Variants in FUT8 observed in about 807,000 individuals in gnomAD.
FUT8 encodes fucosyltransferase 8.
In FUT8, 29 loss-of-function variants were observed where a neutral mutation model predicts 71.3. The ratio of observed to expected loss-of-function variants is 0.41; its 90% CI spans 0.30 to 0.55. FUT8 has a LOEUF of 0.55. Ranked by LOEUF, FUT8 falls within the 20% of genes least tolerant of loss-of-function variation. The probability of loss-of-function intolerance (pLI) is 0.34; values close to 1 mark genes in which losing one functional copy is unlikely to be tolerated. For synonymous variants in FUT8, 254 were observed against 239.3 expected (o/e 1.06, Z -0.57); for missense variants, 544 against 702.1 (o/e 0.77, Z 2.55).
At chr14:65,699,641 G>A (rs1348956696) in intron 7 of FUT8, among the ~76,000 whole-genome samples, 2 of 152,146 alleles carry the variant, frequency 1.3e-5, no homozygotes, top group Admixed American at 6.5e-5. Context: ...AAATGGGTAA[G>A]AATTGCAGAT....
intron 2 of FUT8, among the ~76,000 whole-genome samples, chr14:65,551,820 T>G (rs915162521): frequency 2.0e-5 from 3 of 152,190 alleles, no homozygotes; most frequent in African/African-American, 7.2e-5. Flanking sequence ...GACAACACAG[T>G]TATCGTAATC....
chr14:65,518,965 C>A (rs998647206), intron 2 of FUT8, among the ~76,000 whole-genome samples: 2 of 152,070 alleles, frequency 1.3e-5, no homozygotes, highest in Non-Finnish European at 2.9e-5. Context: ...ACAAGGATGG[C>A]CATCTATTCA....
chr14:65,734,982 T>TTGCCAGA (rs941011962), intron 10 of FUT8, among the ~76,000 whole-genome samples: 3 of 152,166 alleles, frequency 2.0e-5, no homozygotes, highest in Admixed American at 6.5e-5. Flanking sequence ...TCTCCAGACA[T>TTGCCAGA]TGCCAGATGC....
chr14:65,717,469 C>T (rs1403383874), intron 7 of FUT8, among the ~76,000 whole-genome samples: 1 of 143,750 alleles, frequency 7.0e-6, no homozygotes, highest in Non-Finnish European at 1.5e-5. Context: ...AGAGGCGCTC[C>T]TCACTTCCTA....
At chr14:65,558,044 C>G (rs1885690444) in intron 2 of FUT8, among the ~76,000 whole-genome samples, 2 of 151,890 alleles carry the variant, frequency 1.3e-5, no homozygotes, top group African/African-American at 4.8e-5. Flanking sequence ...CCATAAGACT[C>G]TCTTGGCTGG....
chr14:65,552,240 T>C (rs1289017569), intron 2 of FUT8, among the ~76,000 whole-genome samples: 1 of 152,164 alleles, frequency 6.6e-6, no homozygotes, highest in African/African-American at 2.4e-5. Flanking sequence ...TTTTCTTTTT[T>C]GGTTGTTTGT....
At chr14:65,582,132 T>C (rs905599354) in intron 3 of FUT8, among the ~76,000 whole-genome samples, 19 of 152,184 alleles carry the variant, frequency 1.2e-4, no homozygotes, top group African/African-American at 4.1e-4. Context: ...AAGTGTCACA[T>C]GATGAGTTGA....
rs58811272 is a variant in FUT8, at chr14:65,690,629, A to ATCTC, written c.835+21166_835+21169dup. ...AGACTTTAACTTCTGTCATCCCTTT[A>ATCTC]TCTCTCTCTCTCTCTCTCTCATTCT... On this transcript the variant is annotated intron_variant, in intron 7 of 10. Transcript: ENST00000673929. Among the ~76,000 whole-genome samples the ATCTC allele has an allele frequency of 1.6e-3, 227 of 144,860 alleles. 1 individual carries two copies. Among genetic ancestry groups the ATCTC allele is most frequent in the African/African-American group, 4.9e-3 (193 of 39,502 alleles).
At chr14:65,428,414 AGAGGCCTGAGG>A (rs2065420756) in intron 1 of FUT8, among the ~76,000 whole-genome samples, 2 of 152,178 alleles carry the variant, frequency 1.3e-5, no homozygotes, top group South Asian at 4.2e-4. Flanking sequence ...TTACTATTAA[AGAGGCCTGAGG>A]GAGCTTGAAC....
chr14:65,737,113 C>G (rs1379248779), intron 10 of FUT8, among the ~76,000 whole-genome samples: 1 of 152,072 alleles, frequency 6.6e-6, no homozygotes, highest in Admixed American at 6.6e-5. Context: ...AATTTTTAGA[C>G]CTATCTCCCT....
intron 2 of FUT8, among the ~76,000 whole-genome samples, chr14:65,557,492 T>C (rs992307931): frequency 1.3e-5 from 2 of 151,916 alleles, no homozygotes; most frequent in Admixed American, 6.6e-5. Context: ...CCACCATGCC[T>C]GGCTCATTTT....
At chr14:65,668,957 T>C (rs1466843305) in intron 6 of FUT8, among the ~76,000 whole-genome samples, 2 of 152,080 alleles carry the variant, frequency 1.3e-5, no homozygotes, top group South Asian at 2.1e-4. Context: ...CATGTTCTTA[T>C]TAAAAGTGGG....
At chr14:65,394,216 C>A in the FUT8 span, among the ~76,000 whole-genome samples, 16 of 152,328 alleles carry the variant, frequency 1.1e-4, no homozygotes, top group African/African-American at 3.6e-4. Context: ...ACCTTGGCCT[C>A]CCAAAGTGCT....
intron 2 of FUT8, among the ~76,000 whole-genome samples, chr14:65,528,246 T>G (rs1413723350): frequency 6.6e-6 from 1 of 152,194 alleles, no homozygotes; most frequent in Non-Finnish European, 1.5e-5. Flanking sequence ...GCCTCAGCAA[T>G]GGCAGGTACC....
At chr14:65,540,151 C>G (rs567908503) in intron 2 of FUT8, among the ~76,000 whole-genome samples, 3 of 152,252 alleles carry the variant, frequency 2.0e-5, no homozygotes, top group Admixed American at 6.5e-5. Context: ...TGATATAAAA[C>G]TTTTCTCAAC....
chr14:65,717,488 G>GGCT (rs1895173913), intron 7 of FUT8, among the ~76,000 whole-genome samples: 1 of 137,458 alleles, frequency 7.3e-6, no homozygotes, highest in Non-Finnish European at 1.6e-5. Context: ...TAGACGGGGC[G>GGCT]GCCGGGCAGA....
chr14:65,458,099 G>A (rs919631430), intron 2 of FUT8: 3 of 150,558 alleles, frequency 2.0e-5, no homozygotes, highest in South Asian at 4.2e-4. Flanking sequence ...GGAGAATGGC[G>A]TGAACCCAGG....
At chr14:65,457,959 G>A (rs1196326771) in intron 2 of FUT8, 1 of 152,040 alleles carries the variant, frequency 6.6e-6, no homozygotes, top group East Asian at 1.9e-4. Context: ...GAGGCGGGCG[G>A]ATCACGAGGT....
rs117729958 is a variant in FUT8, at chr14:65,736,507, T to C, written c.1410+3126T>C. 4.9e-3 allele frequency among the ~76,000 whole-genome samples: 741 copies of C among 151,950 alleles called. 7 individuals are homozygous for C. The highest frequency in any genetic ancestry group is 8.1e-3 in the Admixed American group (124 of 15,222). ...AGCATGTACAATTTCTCTGGGCCAA[T>C]GTACCACCTCAACTTCATTTTGTTT... On this transcript the variant is annotated intron_variant, in intron 10 of 10. Transcript: ENST00000673929.
Sources: gnomAD v4.1 joint callset for allele counts (sites outside exome capture counted in the v4.1 genomes callset) on GRCh38, gnomAD v4.1.1 for gene constraint, MANE v1.5 for transcripts, NCBI Gene and HGNC (gene_info 2026-07-23, HGNC 2026-07-21) for gene names.